The following SBF2 variants were observed in gnomAD, a reference collection of about 807,000 sequenced individuals.
The protein encoded by SBF2 is SET binding factor 2, also known as myotubularin-related protein 13.
SBF2 carries 112 observed loss-of-function variants against 225.2 expected under a neutral mutation model. That is an observed-to-expected ratio of 0.50 (90% confidence interval 0.43 to 0.58). SBF2 has a LOEUF of 0.58. Ranked by LOEUF, SBF2 falls within the 20% of genes least tolerant of loss-of-function variation. The pLI is 0.00. For synonymous variants in SBF2, 763 were observed against 773.3 expected, an observed-to-expected ratio of 0.99 and a Z score of 0.22; for missense variants, 1,996 against 2,206.2, an observed-to-expected ratio of 0.90 and a Z score of 1.91.
At chr11:9,808,305 G>T (rs1853968140) in intron 31 of SBF2, 120 bp from the exon 32 acceptor site, 1 of 840,736 alleles carries the variant, frequency 1.2e-6, no homozygotes, top group East Asian at 2.6e-5. Flanking sequence ...CAGCAAATTT[G>T]TTCACTAACC....
At chr11:10,167,708 T>G (rs980317135) in intron 2 of SBF2, among the ~76,000 whole-genome samples, 1 of 152,246 alleles carries the variant, frequency 6.6e-6, no homozygotes, top group African/African-American at 2.4e-5. Context: ...AGCAGGAAAC[T>G]GGTTGCCTTG....
intron 25 of SBF2, among the ~76,000 whole-genome samples, chr11:9,840,515 T>G (rs1265592758): frequency 6.6e-6 from 1 of 152,220 alleles, no homozygotes; most frequent in Admixed American, 6.5e-5. Flanking sequence ...TTACCTACAC[T>G]GTTCTGTTTC....
At chr11:9,807,374 A>G (rs535875746) in intron 32 of SBF2, among the ~76,000 whole-genome samples, 47 of 152,324 alleles carry the variant, frequency 3.1e-4, no homozygotes, top group Admixed American at 5.2e-4. Flanking sequence ...GCTCCCACTT[A>G]TAAGTGAGAA....
chr11:10,174,769 C>A (rs7939531), intron 2 of SBF2, among the ~76,000 whole-genome samples: 74 of 151,940 alleles, frequency 4.9e-4, no homozygotes, highest in African/African-American at 9.2e-4. Context: ...GAGAAAGGTC[C>A]GGTTACCCAC....
intron 6 of SBF2, among the ~76,000 whole-genome samples, chr11:10,021,299 A>G (rs1285760575): frequency 6.6e-6 from 1 of 152,236 alleles, no homozygotes; most frequent in East Asian, 1.9e-4. Flanking sequence ...TTAAACGGGT[A>G]TGGATTAGAT....
Position 10,000,989 on chromosome 11 carries a change from T to C in SBF2, c.786A>G (p.Leu262=). 2 of 1,602,800 alleles carry C rather than the reference T, an allele frequency of 1.2e-6. No individual in the cohort carries two copies. The highest frequency in any genetic ancestry group is 1.1e-5 in the South Asian group (1 of 90,804). The change falls in exon 8 of 40, where the codon CTA becomes CTG. Residue 262 remains leucine (L), a synonymous_variant. Transcript: ENST00000256190. The stretch of plus-strand genomic sequence containing the variant: ...GCGTTGGGGAACTTAGAACTTCCAG[T>C]AGCTGAGCCGGGAGAATAGGGATAT... The part of the protein sequence containing the change: ...YPYIPILPAQ[L]LEVLSSPTPF...
At chr11:9,958,914 GA>G in intron 16 of SBF2, 2 of 679,522 alleles carry the variant, frequency 2.9e-6, no homozygotes, top group African/African-American at 3.5e-5. Context: ...TGGGCTATAA[GA>G]GCAGAAAAGT....
In SBF2 at chr11:10,103,897, A is replaced by G. The variant is rs575261410; in HGVS notation, c.142-60916T>C. Reference sequence around the variant, plus strand: ...GATAGCTGAGACCAGCTTGGGCAACATAGTCAGACCTCATTGCTCCAAAAA... The same window carrying G: ...GATAGCTGAGACCAGCTTGGGCAACGTAGTCAGACCTCATTGCTCCAAAAA... On this transcript the variant is annotated intron_variant, in intron 2 of 39. Transcript: ENST00000256190. 2.6e-5 allele frequency among the ~76,000 whole-genome samples: 4 copies of G among 152,304 alleles called. No homozygotes were observed. In the East Asian group the frequency reaches 7.7e-4, roughly 29 times the overall value.
chr11:9,782,695 AC>A (rs1470245070), intron 38 of SBF2, among the ~76,000 whole-genome samples: 2 of 151,998 alleles, frequency 1.3e-5, no homozygotes, highest in African/African-American at 4.8e-5. Flanking sequence ...ATATGGTGAA[AC>A]CCCGTCTCTA....
chr11:10,300,508 G>C (rs1264960545), intron 1 of SBF2, among the ~76,000 whole-genome samples: 1 of 150,810 alleles, frequency 6.6e-6, no homozygotes, highest in African/African-American at 2.4e-5. Flanking sequence ...TCTATAAAAA[G>C]AAAAAAATAT....
chr11:10,280,963 C>T (rs900069085), intron 1 of SBF2, among the ~76,000 whole-genome samples: 7 of 152,110 alleles, frequency 4.6e-5, no homozygotes, highest in South Asian at 2.1e-4. Flanking sequence ...TCATTAACTC[C>T]TTATCTCACT....
intron 26 of SBF2, among the ~76,000 whole-genome samples, chr11:9,837,014 G>A (rs1855770604): frequency 6.6e-6 from 1 of 151,996 alleles, no homozygotes; most frequent in Non-Finnish European, 1.5e-5. Flanking sequence ...TTCTACATGT[G>A]CATTTTGGTC....
At chr11:10,213,339 G>T (rs551384073) in intron 1 of SBF2, among the ~76,000 whole-genome samples, 1 of 152,218 alleles carries the variant, frequency 6.6e-6, no homozygotes, top group African/African-American at 2.4e-5. Flanking sequence ...TTACTCAATG[G>T]AGGTCACTAC....
intron 17 of SBF2, among the ~76,000 whole-genome samples, chr11:9,882,532 G>A (rs1466973308): frequency 6.6e-6 from 1 of 152,022 alleles, no homozygotes; most frequent in East Asian, 1.9e-4. Flanking sequence ...TTCTCGGCCG[G>A]GCATGGTGGC....
intron 16 of SBF2, among the ~76,000 whole-genome samples, chr11:9,931,706 A>G (rs1020475271): frequency 6.6e-6 from 1 of 152,216 alleles, no homozygotes; most frequent in East Asian, 1.9e-4. Flanking sequence ...AATTCTAAAA[A>G]CCAGAGCACC....
intron 3 of SBF2, among the ~76,000 whole-genome samples, chr11:10,040,499 A>C (rs1949611728): frequency 6.6e-6 from 1 of 151,990 alleles, no homozygotes; most frequent in African/African-American, 2.4e-5. Context: ...AGATGAAAAG[A>C]GACGAAAGAG....
chr11:10,237,118 G>A (rs572100451), intron 1 of SBF2, among the ~76,000 whole-genome samples: 20 of 152,090 alleles, frequency 1.3e-4, no homozygotes, highest in African/African-American at 4.3e-4. Context: ...AGGCTGAGGC[G>A]GGCAGATCAC....
At chr11:9,970,016 T>C (rs1867222242) in intron 13 of SBF2, among the ~76,000 whole-genome samples, 1 of 152,176 alleles carries the variant, frequency 6.6e-6, no homozygotes. Context: ...GTCATCTAGT[T>C]AAGCAGGATT....
At chr11:10,031,774 G>A (rs899705054) in intron 3 of SBF2, among the ~76,000 whole-genome samples, 9 of 152,168 alleles carry the variant, frequency 5.9e-5, no homozygotes, top group African/African-American at 2.2e-4. Context: ...ACAAGGTCTT[G>A]CTCTGTTGCC....
Sources: gnomAD v4.1 joint callset for allele counts (sites outside exome capture counted in the v4.1 genomes callset) on GRCh38, gnomAD v4.1.1 for gene constraint, MANE v1.5 for transcripts, NCBI Gene and HGNC (gene_info 2026-07-23, HGNC 2026-07-21) for gene names.